DLST: variants seen among roughly 807,000 people sequenced by gnomAD.
DLST encodes the protein dihydrolipoamide S-succinyltransferase, also known as dihydrolipoyllysine-residue succinyltransferase component of 2-oxoglutarate dehydrogenase complex, mitochondrial.
In DLST, 17 loss-of-function variants were observed where a neutral mutation model predicts 53.1. That is an observed-to-expected ratio of 0.32 (90% CI 0.22 to 0.48). The LOEUF is 0.48. DLST is among the 20% of genes least tolerant of loss of function. The probability of loss-of-function intolerance (pLI) is 0.99; values close to 1 mark genes in which losing one functional copy is unlikely to be tolerated. For missense variants in DLST, 512 were observed against 583.9 expected, an observed-to-expected ratio of 0.88 and a Z score of 1.27; for synonymous variants, 206 against 204.8, an observed-to-expected ratio of 1.01 and a Z score of -0.05.
At chr14:74,884,113 C>T (rs1883624024) in intron 2 of DLST, among the ~76,000 whole-genome samples, 1 of 152,104 alleles carries the variant, frequency 6.6e-6, no homozygotes, top group African/African-American at 2.4e-5. Flanking sequence ...TATAAAAGAG[C>T]CAAGAAAATG....
chr14:74,882,181 G>C (rs1253083660), intron 1 of DLST, among the ~76,000 whole-genome samples, 165 bp downstream of exon 1: 3 of 152,090 alleles, frequency 2.0e-5, no homozygotes, highest in Non-Finnish European at 4.4e-5. Flanking sequence ...GTTGCCCTCG[G>C]GACCGTTTTG....
intron 12 of DLST, 84 bp from the exon 13 acceptor site, chr14:74,900,205 A>G: frequency 7.7e-7 from 1 of 1,304,678 alleles, no homozygotes; most frequent in Admixed American, 1.7e-5. Context: ...TAGGGAGGGC[A>G]TACCATGGGT....
chr14:74,886,219 C>T (rs1883699058), intron 3 of DLST, among the ~76,000 whole-genome samples: 1 of 152,224 alleles, frequency 6.6e-6, no homozygotes, highest in African/African-American at 2.4e-5. Flanking sequence ...AGAATGCTCT[C>T]TAGTAACCTG....
chr14:74,891,878 A>G (rs1883920492), intron 7 of DLST: 1 of 985,156 alleles, frequency 1.0e-6, no homozygotes, highest in Non-Finnish European at 1.2e-6. Flanking sequence ...CTCAGAGTAG[A>G]AAACATGTAT....
intron 7 of DLST, chr14:74,891,820 T>C (rs1883918317): frequency 1.0e-6 from 1 of 985,396 alleles, no homozygotes; most frequent in Non-Finnish European, 1.2e-6. Flanking sequence ...GTTACACTAA[T>C]AAGGCAGATA....
chr14:74,897,533 G>T (rs889984484), intron 10 of DLST, among the ~76,000 whole-genome samples: 1 of 152,206 alleles, frequency 6.6e-6, no homozygotes, highest in South Asian at 2.1e-4. Context: ...ATGTTGTAAA[G>T]GCTTTTCAGA....
Position 74,893,550 on chromosome 14 carries a change from G to A in DLST, c.672+126G>A, listed in dbSNP as rs143885180. 78 of 995,342 alleles carry A rather than the reference G, an allele frequency of 7.8e-5. No homozygotes were observed. In the African/African-American group the frequency reaches 1.1e-3, roughly 14 times the overall value. 61.7% of individuals were successfully genotyped at this position (995,342 alleles called of 1,614,324 possible). A position where few individuals can be genotyped will look rare whatever the true frequency, so the allele number is the denominator to read the frequency against. ...CATTCCCTCAACCTTGATAAAGGGA[G>A]TTTAGGATATAACTTCTTCATAGTC... On this transcript the variant is annotated intron_variant, in intron 9 of 14. Transcript: ENST00000334220.
chr14:74,894,552 TG>T, intron 10 of DLST, 143 bp downstream of exon 10: 1 of 963,986 alleles, frequency 1.0e-6, no homozygotes, highest in Non-Finnish European at 1.5e-6. Context: ...TGTTTGTTTT[TG>T]TTTTTGTTTT....
Position 74,885,251 on chromosome 14 carries a change from A to G in DLST, c.98-335A>G, listed in dbSNP as rs1224687900. ...TTGTATTTGAAGACTTGGCGAGTAG[A>G]GACATTTTATTATGAAAACATACAG... is the stretch of plus-strand genomic sequence containing the variant. On this transcript the variant is annotated intron_variant, in intron 2 of 14. Transcript: ENST00000334220. Among the ~76,000 whole-genome samples, 3 of 152,230 alleles carry G rather than the reference A, an allele frequency of 2.0e-5. No individual in the cohort carries two copies. In the East Asian group the frequency reaches 5.8e-4, roughly 29 times the overall value.
Position 74,891,181 on chromosome 14 carries a change from C to A in DLST, c.442+14C>A. ...GGAAAACTGGTGGTAAAGAAGTTCT[C>A]CTGGTGGTCAAGGTCTCCAGTGTTC... On this transcript the variant is annotated intron_variant, in intron 7 of 14. Transcript: ENST00000334220. The A allele has an allele frequency of 6.2e-7, 1 of 1,613,970 alleles. No homozygotes were observed. The highest frequency in any genetic ancestry group is 8.5e-7 in the Non-Finnish European group (1 of 1,179,900).
At position 74,900,386 on chromosome 14, in the gene DLST, A is replaced by AT; in HGVS notation, c.1059+15dup. On this transcript the variant is annotated intron_variant, in intron 13 of 14. Transcript: ENST00000334220. ...CTGGGAGAGAAGGTAAAGTAGAAAG[A>AT]TGTATACAAGCTGCTAAGCAGGCGA... 1 of 1,611,176 alleles carries AT rather than the reference A, an allele frequency of 6.2e-7. No individual in the cohort carries two copies. The highest frequency in any genetic ancestry group is 8.5e-7 in the Non-Finnish European group (1 of 1,177,506).
At chr14:74,882,068 CAG>C in intron 1 of DLST, 52 bp downstream of exon 1, 3 of 1,437,514 alleles carry the variant, frequency 2.1e-6, no homozygotes, top group Non-Finnish European at 2.7e-6. Context: ...TGTTGGCGGG[CAG>C]AGAGGCGGCC....
At chr14:74,888,275 T>G (rs959819623) in intron 3 of DLST, among the ~76,000 whole-genome samples, 7 of 57,520 alleles carry the variant, frequency 1.2e-4, no homozygotes, top group African/African-American at 3.2e-4. Context: ...TGTTTTTGGG[T>G]TTTTTTTTTT....
In DLST at chr14:74,889,275, A is replaced by C; in HGVS notation, c.200A>C (p.Lys67Thr). Residue 67 changes from lysine (K) to threonine (T), a missense_variant and splice_region_variant, in exon 5 of 15, where the codon AAG (lysine) becomes ACG (threonine). Physicochemically the swap from Lys to Thr is moderately conservative, Grantham distance 78. Around this residue, in one of 4 missense-constraint regions of DLST, gnomAD observed 129 missense variants for 90.9 expected, o/e 1.42. Transcript: ENST00000334220. ...ATTTTCTTTTTTGCATTTTTCCTAG[A>C]GGATGACTTGGTTACAGTCAAAACC... ...VRFFRTTAVCKDDLVTVKTPA... is the reference protein window; with the variant it reads ...VRFFRTTAVCTDDLVTVKTPA... The C allele has an allele frequency of 6.2e-7, 1 of 1,612,580 alleles. No individual in the cohort carries two copies. Among genetic ancestry groups the C allele is most frequent in the Non-Finnish European group, 8.5e-7 (1 of 1,179,706 alleles).
At chr14:74,890,252 C>G (rs1409753113) in intron 6 of DLST, among the ~76,000 whole-genome samples, 1 of 151,764 alleles carries the variant, frequency 6.6e-6, no homozygotes, top group East Asian at 1.9e-4. Flanking sequence ...CTCAGCCTCC[C>G]TAGTATCTGG....
At chr14:74,882,153 G>A in intron 1 of DLST, 137 bp downstream of exon 1, 1 of 714,138 alleles carries the variant, frequency 1.4e-6, no homozygotes, top group Non-Finnish European at 1.9e-6. Context: ...CGCGCGGGCT[G>A]GGCGGCCCGG....
chr14:74,882,045 C>T (rs760566745), intron 1 of DLST, 29 bp downstream of exon 1: 104 of 1,525,768 alleles, frequency 6.8e-5, no homozygotes, highest in Non-Finnish European at 8.7e-5. Flanking sequence ...GGGGCCCCGA[C>T]GGGTGAGGAG....
chr14:74,885,731 C>G, intron 3 of DLST, 97 bp downstream of exon 3: 1 of 1,162,134 alleles, frequency 8.6e-7, no homozygotes, highest in Non-Finnish European at 1.2e-6. Flanking sequence ...CACTGGCCTC[C>G]AGACCTAGAA....
intron 2 of DLST, among the ~76,000 whole-genome samples, chr14:74,885,127 C>G (rs577267651): frequency 8.5e-5 from 13 of 152,144 alleles, no homozygotes; most frequent in Non-Finnish European, 1.9e-4. Context: ...GATTTCCAAC[C>G]CAATCTTTTC....
Sources: gnomAD v4.1 joint callset for allele counts (sites outside exome capture counted in the v4.1 genomes callset) on GRCh38, gnomAD v4.1.1 for gene constraint, gnomAD v4.1.1 regional missense constraint, MANE v1.5 for transcripts, NCBI Gene and HGNC (gene_info 2026-07-23, HGNC 2026-07-21) for gene names.